The following STARD9 variants were observed in gnomAD, a reference collection of about 807,000 sequenced individuals.
STARD9 encodes the protein StAR related lipid transfer domain containing 9, also known as stAR-related lipid transfer protein 9.
A neutral mutation model predicts 399.8 loss-of-function variants in STARD9; 346 were observed. The observed-to-expected ratio is 0.87, with a 90% CI of 0.79 to 0.95. The LOEUF is 0.95. Ranked by LOEUF, STARD9 falls within the 40% of genes least tolerant of loss-of-function variation. The pLI is 0.00. For synonymous variants in STARD9, 2,203 were observed against 2,143.5 expected (o/e 1.03, Z -0.77); for missense variants, 5,832 against 5,667.5 (o/e 1.03, Z -0.93).
chr15:42,702,517 T>G (rs2060990091), intron 26 of STARD9, among the ~76,000 whole-genome samples: 1 of 152,196 alleles, frequency 6.6e-6, no homozygotes, highest in Non-Finnish European at 1.5e-5. Flanking sequence ...TTATTATTTT[T>G]AATAGTTTTG....
In STARD9 at chr15:42,685,052, C is replaced by T; in HGVS notation, c.3474C>T (p.Ser1158=). 1 of 1,537,190 alleles carries T rather than the reference C, an allele frequency of 6.5e-7. No individual in the cohort carries two copies. Among genetic ancestry groups the T allele is most frequent in the East Asian group, 2.4e-5 (1 of 40,910 alleles). The change falls in exon 23 of 33, where the codon AGC becomes AGT. Residue 1158 remains serine (S), a synonymous_variant. Transcript: ENST00000290607. The part of the protein sequence containing the change: ...EDSLAEKRYQ[S]PKNRLGGNRP... ...CACTGGCTGAGAAGAGGTACCAAAG[C>T]CCCAAAAACAGGCTAGGGGGCAATC...
chr15:42,685,211 G>A lies in STARD9; in HGVS notation c.3633G>A (p.Glu1211=). The stretch of plus-strand genomic sequence containing the variant: ...CCTTGGATAGCCTGATTGATGCAGA[G>A]GAAGAACTGGGGGAAGATCAGCAAG... ...SFSLDSLIDA[E]EELGEDQQEE... is the part of the protein sequence containing the mutation. Residue 1211 remains glutamate, a synonymous_variant, in exon 23 of 33, where the codon GAG becomes GAA. Coordinates refer to ENST00000290607, the MANE Select transcript of STARD9 (RefSeq NM_020759.3). The A allele has an allele frequency of 6.5e-7, 1 of 1,537,214 alleles. No individual in the cohort carries two copies. The highest frequency in any genetic ancestry group is 8.7e-7 in the Non-Finnish European group (1 of 1,146,918).
chr15:42,587,122 C>T (rs1040339814), intron 3 of STARD9, among the ~76,000 whole-genome samples: 1 of 152,068 alleles, frequency 6.6e-6, no homozygotes, highest in African/African-American at 2.4e-5. Context: ...TACCAAAGTG[C>T]TGGAATTATA....
rs1481065270 is a variant in STARD9, at chr15:42,688,427, A to C, written c.6849A>C (p.Gly2283=). The C allele has an allele frequency of 1.3e-6, 2 of 1,537,728 alleles. No individual in the cohort carries two copies. Among genetic ancestry groups the C allele is most frequent in the Non-Finnish European group, 1.7e-6 (2 of 1,147,040 alleles). The change falls in exon 23 of 33, where the codon GGA becomes GGC. Residue 2283 remains glycine (G), a synonymous_variant. Transcript: ENST00000290607. The stretch of plus-strand genomic sequence containing the variant: ...TTGAAGAAATGCCTATGCAAAGGGG[A>C]GGCAGCCTTCAGGAAGAAAATAAAG... ...GKVEEMPMQR[G]GSLQEENKVT...
In STARD9 at chr15:42,687,600, T is replaced by C. The variant is rs1291075909; in HGVS notation, c.6022T>C (p.Leu2008=). The C allele has an allele frequency of 1.3e-6, 2 of 1,537,072 alleles. No homozygotes were observed. The highest frequency in any genetic ancestry group is 2.4e-5 in the South Asian group (2 of 84,062). The change falls in exon 23 of 33, where the codon TTA becomes CTA. Residue 2008 remains leucine (L), a synonymous_variant. Transcript: ENST00000290607. ...AAAGCCTGCATATGAAAGGTTCCAGTTAGTTGCATGCCCTCAGGAAAGAAA... is the reference window on the plus strand; with the variant it reads ...AAAGCCTGCATATGAAAGGTTCCAGCTAGTTGCATGCCCTCAGGAAAGAAA... ...GTKPAYERFQ[L]VACPQERNPS...
At chr15:42,694,984 A>G (rs1488830430) in intron 24 of STARD9, among the ~76,000 whole-genome samples, 156 bp from the exon 25 acceptor site, 1 of 150,970 alleles carries the variant, frequency 6.6e-6, no homozygotes, top group Admixed American at 6.6e-5. Flanking sequence ...CTGTCCAGCA[A>G]CCTCTCCTGA....
chr15:42,662,113 G>C (rs936594338), intron 10 of STARD9, among the ~76,000 whole-genome samples: 1 of 152,042 alleles, frequency 6.6e-6, no homozygotes, highest in African/African-American at 2.4e-5. Context: ...TAACAACATA[G>C]CTCAACCCTA....
intron 4 of STARD9, among the ~76,000 whole-genome samples, chr15:42,637,661 TCTC>T (rs756904348): frequency 2.6e-5 from 4 of 152,160 alleles, no homozygotes; most frequent in Non-Finnish European, 5.9e-5. Flanking sequence ...TTTGCCGGCT[TCTC>T]CTCTTTTCCT....
rs190051162 is a variant in STARD9 at position 42,685,093 on chromosome 15, G to A, written c.3515G>A (p.Arg1172His). 114 of 1,537,164 alleles carry A rather than the reference G, an allele frequency of 7.4e-5. No homozygotes were observed. The East Asian group carries it at 2.2e-3, about 30-fold the overall frequency. Reference protein sequence around the residue: ...RLGGNRPTNNRGQPRTRTRAS... With the variant: ...RLGGNRPTNNHGQPRTRTRAS... ...GGGGGCAATCGTCCCACCAACAACC[G>A]TGGCCAACCCAGGACCAGAACTAGA... The change falls in exon 23 of 33, where the codon CGT becomes CAT. Residue 1172 changes from arginine (R) to histidine (H), a missense_variant. Arg to His is a conservative substitution (Grantham distance 29). Coordinates refer to ENST00000290607, the MANE Select transcript of STARD9 (RefSeq NM_020759.3).
Position 42,682,528 on chromosome 15 carries a change from T to C in STARD9, c.2490T>C (p.Ser830=), listed in dbSNP as rs1375317787. The C allele has an allele frequency of 6.5e-7, 1 of 1,537,212 alleles. No homozygotes were observed. The highest frequency in any genetic ancestry group is 2.4e-5 in the East Asian group (1 of 40,916). The stretch of plus-strand genomic sequence containing the variant: ...GAAGCAAATTGACGAGTTGCAGTTC[T>C]TTGAGCCCCCAAAGACTCTGCAGCA... The part of the protein sequence containing the change: ...PCRSKLTSCS[S]LSPQRLCSKH... Residue 830 remains serine, a synonymous_variant, in exon 22 of 33, where the codon TCT becomes TCC. Transcript: ENST00000290607.
intron 26 of STARD9, among the ~76,000 whole-genome samples, chr15:42,702,865 T>A (rs1484560916): frequency 6.6e-6 from 1 of 152,222 alleles, no homozygotes; most frequent in Non-Finnish European, 1.5e-5. Flanking sequence ...CACTCCCTCC[T>A]AGCCTGTAAG....
At chr15:42,628,355 G>C (rs1318109370) in intron 3 of STARD9, among the ~76,000 whole-genome samples, 1 of 152,154 alleles carries the variant, frequency 6.6e-6, no homozygotes, top group Admixed American at 6.5e-5. Context: ...ATAGTTTGCA[G>C]ATATATTCGC....
chr15:42,707,468 CTTTTT>C (rs544507849), intron 26 of STARD9, among the ~76,000 whole-genome samples: 2 of 134,640 alleles, frequency 1.5e-5, no homozygotes. Context: ...GAGTGAAAAA[CTTTTT>C]TTTTTTTTTT....
chr15:42,621,365 G>A (rs1332745686), intron 3 of STARD9, among the ~76,000 whole-genome samples: 1 of 151,914 alleles, frequency 6.6e-6, no homozygotes, highest in African/African-American at 2.4e-5. Context: ...TTTATACAGT[G>A]GATTACAACC....
At position 42,693,617 on chromosome 15, in the gene STARD9, C is replaced by G. The variant is rs2060769754; in HGVS notation, c.12039C>G (p.Ser4013Arg). ...LQPRTTIGVQSRLLPPPLRHR... is the reference protein window; with the variant it reads ...LQPRTTIGVQRRLLPPPLRHR... Reference sequence around the variant, plus strand: ...CCAGGACAACTATCGGGGTCCAAAGCAGACTGCTGCCACCACCACTGAGGC... The same window carrying G: ...CCAGGACAACTATCGGGGTCCAAAGGAGACTGCTGCCACCACCACTGAGGC... The change falls in exon 23 of 33, where the codon AGC becomes AGG. Residue 4013 changes from serine to arginine, a missense_variant. Coordinates refer to ENST00000290607, the MANE Select transcript of STARD9 (RefSeq NM_020759.3). The G allele has an allele frequency of 1.3e-6, 2 of 1,537,150 alleles. No homozygotes were observed. Among genetic ancestry groups the G allele is most frequent in the Non-Finnish European group, 1.7e-6 (2 of 1,146,910 alleles).
In STARD9 at chr15:42,691,261, A is replaced by G. The variant is rs1566945802; in HGVS notation, c.9683A>G (p.Gln3228Arg). ...QASGGGEGFA[Q>R]GVNPLPDEDG... ...TCAGGTGGTGGAGAAGGCTTCGCCC[A>G]GGGTGTGAATCCCCTTCCTGATGAA... Residue 3228 changes from glutamine to arginine, a missense_variant, in exon 23 of 33, where the codon CAG (glutamine) becomes CGG (arginine). Gln to Arg is a conservative substitution (Grantham distance 43). Coordinates refer to ENST00000290607, the MANE Select transcript of STARD9 (RefSeq NM_020759.3). 1 of 1,537,266 alleles carries G rather than the reference A, an allele frequency of 6.5e-7. No individual in the cohort carries two copies. The highest frequency in any genetic ancestry group is 8.7e-7 in the Non-Finnish European group (1 of 1,146,894).
rs940288703 is a variant in STARD9, at chr15:42,585,991, G to T, written c.234+354G>T. 2.6e-5 allele frequency among the ~76,000 whole-genome samples: 4 copies of T among 152,148 alleles called. No homozygotes were observed. The East Asian group carries it at 7.7e-4, about 29-fold the overall frequency. On this transcript the variant is annotated intron_variant, in intron 3 of 32. Transcript: ENST00000290607. ...CCTGGCTATTTCTTATGATACTTTT[G>T]TCTGAAACTAATGATGTTTTGGTCT...
rs2059450137 is a variant in STARD9, at chr15:42,637,994, A to G, written c.385-32A>G. On this transcript the variant is annotated intron_variant, in intron 5 of 32. Transcript: ENST00000290607. ...CAAAGTAGGTCTCTCTACAATTCCTACAATGAAACCCCAACCCTCTGGTTT... is the reference window on the plus strand; with the variant it reads ...CAAAGTAGGTCTCTCTACAATTCCTGCAATGAAACCCCAACCCTCTGGTTT... 8 of 1,537,218 alleles carry G rather than the reference A, an allele frequency of 5.2e-6. No individual in the cohort carries two copies. In the African/African-American group the frequency reaches 5.5e-5, roughly 11 times the overall value.
intron 26 of STARD9, among the ~76,000 whole-genome samples, chr15:42,711,579 C>T (rs1362593741): frequency 1.3e-5 from 2 of 152,192 alleles, no homozygotes; most frequent in African/African-American, 4.8e-5. Context: ...TGGGAAAATA[C>T]TTCAACATAT....
Sources: allele counts gnomAD v4.1 joint callset (sites outside exome capture counted in the v4.1 genomes callset), GRCh38; gene constraint gnomAD v4.1.1; transcripts MANE v1.5; gene names NCBI Gene and HGNC (gene_info 2026-07-23, HGNC 2026-07-21).